Variants in PPP2R2B observed in about 807,000 individuals in gnomAD.
PPP2R2B encodes the protein serine/threonine-protein phosphatase 2A 55 kDa regulatory subunit B beta isoform.
PPP2R2B carries 5 observed loss-of-function variants against 46.0 expected under a neutral mutation model. The ratio of observed to expected loss-of-function variants is 0.11; its 90% CI spans 0.06 to 0.23. The LOEUF is 0.23. PPP2R2B is among the 10% of genes least tolerant of loss of function. The pLI is 1.00. For missense variants in PPP2R2B, 367 were observed against 575.0 expected, an observed-to-expected ratio of 0.64 and a Z score of 3.70; for synonymous variants, 215 against 206.7, an observed-to-expected ratio of 1.04 and a Z score of -0.34.
chr5:146,725,445 G>A (rs1751807111), intron 2 of PPP2R2B, among the ~76,000 whole-genome samples: 1 of 152,184 alleles, frequency 6.6e-6, no homozygotes, highest in Non-Finnish European at 1.5e-5. Context: ...AATGGATGCA[G>A]GTATCTGGAA....
chr5:147,056,763 G>T (rs1019720815), upstream of PPP2R2B, among the ~76,000 whole-genome samples: 1 of 152,116 alleles, frequency 6.6e-6, no homozygotes, highest in Admixed American at 6.6e-5. Flanking sequence ...TAAGTAATTT[G>T]GGATGGGGAA....
At chr5:146,805,630 G>C (rs2151310853) in intron 2 of PPP2R2B, among the ~76,000 whole-genome samples, 1 of 152,274 alleles carries the variant, frequency 6.6e-6, no homozygotes, top group East Asian at 1.9e-4. Flanking sequence ...GATAGCAATG[G>C]AATATGGTAA....
chr5:146,709,555 A>G (rs574344169), intron 2 of PPP2R2B, among the ~76,000 whole-genome samples: 1 of 152,320 alleles, frequency 6.6e-6, no homozygotes, highest in South Asian at 2.1e-4. Flanking sequence ...AGATTCTGGG[A>G]AAGAGTTTTC....
intron 1 of PPP2R2B, among the ~76,000 whole-genome samples, chr5:146,965,873 A>G (rs1221887354): frequency 6.6e-6 from 1 of 152,216 alleles, no homozygotes; most frequent in African/African-American, 2.4e-5. Context: ...CTGTGCATCC[A>G]GGCAAAGTGT....
chr5:146,970,140 T>G (rs1752599932), intron 1 of PPP2R2B, among the ~76,000 whole-genome samples: 1 of 152,188 alleles, frequency 6.6e-6, no homozygotes, highest in Non-Finnish European at 1.5e-5. Context: ...GGTATACTTA[T>G]TATTCCCATT....
chr5:146,915,760 G>A (rs1415312458), intron 1 of PPP2R2B, among the ~76,000 whole-genome samples: 2 of 152,042 alleles, frequency 1.3e-5, no homozygotes, highest in Non-Finnish European at 2.9e-5. Flanking sequence ...AAAAATCACT[G>A]TTATTGGGCC....
chr5:146,973,075 ATGT>A (rs34810946), intron 1 of PPP2R2B, among the ~76,000 whole-genome samples: 72,260 of 151,696 alleles, frequency 0.48, 18,588 homozygotes, highest in Middle Eastern at 0.6. Flanking sequence ...ATCTTTAAAA[ATGT>A]TCTGTGGTAT....
intron 1 of PPP2R2B, among the ~76,000 whole-genome samples, chr5:147,036,501 A>G (rs1284663730): frequency 6.6e-6 from 1 of 152,174 alleles, no homozygotes; most frequent in African/African-American, 2.4e-5. Context: ...TTTATAATAG[A>G]ACAATTTATA....
At chr5:146,859,455 A>G (rs1760857807) in intron 2 of PPP2R2B, among the ~76,000 whole-genome samples, 1 of 152,232 alleles carries the variant, frequency 6.6e-6, no homozygotes, top group South Asian at 2.1e-4. Context: ...GCAGTGCCAA[A>G]GACAACTGAA....
At chr5:146,784,464 T>A (rs1215362084) in intron 2 of PPP2R2B, among the ~76,000 whole-genome samples, 6 of 152,212 alleles carry the variant, frequency 3.9e-5, no homozygotes, top group African/African-American at 1.4e-4. Context: ...TCCTTGGGAT[T>A]ATTAGATATT....
intron 1 of PPP2R2B, among the ~76,000 whole-genome samples, chr5:147,044,596 T>A (rs939093124): frequency 1.4e-3 from 209 of 152,284 alleles, no homozygotes; most frequent in African/African-American, 4.8e-3. Context: ...TTTTTATTTT[T>A]TAAGCTTCTG....
intron 1 of PPP2R2B, among the ~76,000 whole-genome samples, chr5:146,927,874 C>T (rs897102592): frequency 3.3e-5 from 5 of 151,734 alleles, no homozygotes; most frequent in African/African-American, 1.2e-4. Context: ...CCTGAGTAGC[C>T]GGGATTACAG....
At chr5:146,795,484 T>C (rs1385119172) in intron 2 of PPP2R2B, among the ~76,000 whole-genome samples, 1 of 152,102 alleles carries the variant, frequency 6.6e-6, no homozygotes, top group Admixed American at 6.6e-5. Flanking sequence ...CTAAAAAAGT[T>C]GAACTCATAG....
At chr5:146,958,689 G>A (rs1314745622) in intron 1 of PPP2R2B, among the ~76,000 whole-genome samples, 1 of 152,112 alleles carries the variant, frequency 6.6e-6, no homozygotes, top group Non-Finnish European at 1.5e-5. Context: ...ACTAGAGCCA[G>A]GATATAAACT....
chr5:146,990,099 A>G (rs1248647621), intron 1 of PPP2R2B, among the ~76,000 whole-genome samples: 1 of 151,010 alleles, frequency 6.6e-6, no homozygotes. Flanking sequence ...AATAAATGAA[A>G]AGACATCCTG....
At chr5:146,893,882 GAAAAA>G (rs11341457) in intron 1 of PPP2R2B, among the ~76,000 whole-genome samples, 1 of 121,300 alleles carries the variant, frequency 8.2e-6, no homozygotes, top group East Asian at 2.4e-4. Flanking sequence ...AAGTAAAATT[GAAAAA>G]AAAAAAAAAA....
At chr5:146,867,414 A>T (rs559660590) in intron 2 of PPP2R2B, among the ~76,000 whole-genome samples, 1 of 152,140 alleles carries the variant, frequency 6.6e-6, no homozygotes, top group Non-Finnish European at 1.5e-5. Flanking sequence ...ATGGTATGTT[A>T]TTTTTTATGA....
At chr5:146,812,501 ATATATACAG>A (rs1434531926) in intron 2 of PPP2R2B, among the ~76,000 whole-genome samples, 7 of 26,182 alleles carry the variant, frequency 2.7e-4, no homozygotes, top group African/African-American at 5.9e-4. Flanking sequence ...TATACTGTAT[ATATATACAG>A]TATATATATA....
intron 1 of PPP2R2B, among the ~76,000 whole-genome samples, chr5:146,945,605 G>A (rs1424952950): frequency 6.6e-6 from 1 of 152,092 alleles, no homozygotes; most frequent in African/African-American, 2.4e-5. Flanking sequence ...TGTTTTTTAA[G>A]GGCTGTGTGC....
Sources: allele counts gnomAD v4.1 joint callset (sites outside exome capture counted in the v4.1 genomes callset), GRCh38; gene constraint gnomAD v4.1.1; transcripts MANE v1.5; gene names NCBI Gene and HGNC (gene_info 2026-07-23, HGNC 2026-07-21).